The following ZEB1 variants were observed in gnomAD, a reference collection of about 807,000 sequenced individuals.
ZEB1 encodes zinc finger E-box-binding homeobox 1.
In ZEB1, 21 loss-of-function variants were observed where a neutral mutation model predicts 84.9. The observed-to-expected ratio is 0.25, with a 90% CI of 0.18 to 0.36. The LOEUF (loss-of-function observed/expected upper bound fraction) is 0.36. ZEB1 is among the 10% of genes least tolerant of loss of function. The pLI, the probability that ZEB1 is intolerant of heterozygous loss-of-function variation, is 1.00. For missense variants in ZEB1, 1,104 were observed against 1,330.2 expected, an observed-to-expected ratio of 0.83 and a Z score of 2.65; for synonymous variants, 420 against 471.1, an observed-to-expected ratio of 0.89 and a Z score of 1.41.
At chr10:31,337,486 C>T (rs1041980674) in intron 1 of ZEB1, among the ~76,000 whole-genome samples, 1 of 151,964 alleles carries the variant, frequency 6.6e-6, no homozygotes, top group Non-Finnish European at 1.5e-5. Flanking sequence ...TGATAATCAA[C>T]ATTTAATCTA....
upstream of ZEB1, chr10:31,319,170 G>A (rs2032931837): frequency 2.6e-6 from 3 of 1,138,392 alleles, no homozygotes; most frequent in Non-Finnish European, 3.7e-6. Flanking sequence ...AGGCGGAGGG[G>A]TGGGGGGGAA....
At chr10:31,355,019 T>A (rs997765382) in intron 1 of ZEB1, 1 of 152,178 alleles carries the variant, frequency 6.6e-6, no homozygotes, top group Non-Finnish European at 1.5e-5. Context: ...TTGTATAGTA[T>A]CTCCTTTGTT....
intron 1 of ZEB1, among the ~76,000 whole-genome samples, chr10:31,421,994 A>G (rs921047917): frequency 3.3e-5 from 5 of 152,064 alleles, no homozygotes; most frequent in Non-Finnish European, 5.9e-5. Context: ...ATTGACCCTG[A>G]TTAAACCTGT....
intron 1 of ZEB1, among the ~76,000 whole-genome samples, chr10:31,324,845 G>C (rs117736819): frequency 6.6e-6 from 1 of 151,930 alleles, no homozygotes; most frequent in South Asian, 2.1e-4. Flanking sequence ...CATTCAACTA[G>C]ATATGAACTA....
At chr10:31,473,169 C>G (rs1251324943) in intron 2 of ZEB1, among the ~76,000 whole-genome samples, 1 of 151,190 alleles carries the variant, frequency 6.6e-6, no homozygotes, top group African/African-American at 2.5e-5. Context: ...TGCCCTCTCT[C>G]ACCACTCCTA....
chr10:31,320,379 C>G (rs576285564), intron 1 of ZEB1: 1 of 151,066 alleles, frequency 6.6e-6, no homozygotes, highest in Admixed American at 6.6e-5. Flanking sequence ...GCGCCTCGCG[C>G]TTTTCTCTTT....
At chr10:31,517,084 G>T (rs1046848145) in intron 6 of ZEB1, among the ~76,000 whole-genome samples, 4 of 151,982 alleles carry the variant, frequency 2.6e-5, no homozygotes, top group African/African-American at 9.7e-5. Context: ...AAGCCAACTG[G>T]TCATTCACCA....
intron 1 of ZEB1, among the ~76,000 whole-genome samples, chr10:31,430,317 G>T (rs1022689759): frequency 6.6e-6 from 1 of 152,058 alleles, no homozygotes; most frequent in Non-Finnish European, 1.5e-5. Context: ...TAGTTACTGA[G>T]ATAGGCAGTT....
At chr10:31,415,466 C>T (rs161253) in intron 1 of ZEB1, among the ~76,000 whole-genome samples, 11,984 of 151,786 alleles carry the variant, frequency 0.079, 664 homozygotes, top group African/African-American at 0.16. Flanking sequence ...AAAGTCTTTT[C>T]GACCATGTTC....
intron 5 of ZEB1, among the ~76,000 whole-genome samples, chr10:31,513,891 G>C (rs1565177713): frequency 6.6e-6 from 1 of 152,064 alleles, no homozygotes; most frequent in African/African-American, 2.4e-5. Flanking sequence ...CTTTATTGAG[G>C]GGTTAATGGG....
intron 5 of ZEB1, among the ~76,000 whole-genome samples, chr10:31,513,457 G>T (rs910587541): frequency 6.6e-6 from 1 of 152,170 alleles, no homozygotes; most frequent in Non-Finnish European, 1.5e-5. Flanking sequence ...ATAAGCAGTT[G>T]GTTGTAAAAG....
chr10:31,519,530 C>T (rs531442489), intron 6 of ZEB1, among the ~76,000 whole-genome samples: 2 of 152,282 alleles, frequency 1.3e-5, no homozygotes, highest in South Asian at 4.1e-4. Flanking sequence ...ATACCCACTA[C>T]AGTGTTTATC....
chr10:31,377,855 A>G (rs76711714), intron 1 of ZEB1, among the ~76,000 whole-genome samples: 2,865 of 151,820 alleles, frequency 0.019, 87 homozygotes, highest in African/African-American at 0.064. Flanking sequence ...TGAATTTTAA[A>G]TAATGACAGC....
chr10:31,499,374 A>T (rs1303807302), intron 3 of ZEB1, among the ~76,000 whole-genome samples: 2 of 152,174 alleles, frequency 1.3e-5, no homozygotes, highest in Non-Finnish European at 2.9e-5. Context: ...CACTTTTATT[A>T]CATGAACTGT....
chr10:31,473,983 G>A (rs1166148619), intron 2 of ZEB1, among the ~76,000 whole-genome samples: 1 of 152,266 alleles, frequency 6.6e-6, no homozygotes, highest in South Asian at 2.1e-4. Context: ...TTAATAAATG[G>A]TTCTGGGAAA....
intron 1 of ZEB1, among the ~76,000 whole-genome samples, chr10:31,449,533 G>C (rs1323062033): frequency 6.6e-6 from 1 of 152,084 alleles, no homozygotes; most frequent in Non-Finnish European, 1.5e-5. Flanking sequence ...GAAAGTCTTG[G>C]GGTGGGGATC....
intron 1 of ZEB1, among the ~76,000 whole-genome samples, chr10:31,455,935 C>T (rs1406843802): frequency 6.6e-6 from 1 of 152,170 alleles, no homozygotes; most frequent in Non-Finnish European, 1.5e-5. Context: ...ATAAATCATG[C>T]TGCTATAAAG....
intron 1 of ZEB1, among the ~76,000 whole-genome samples, chr10:31,399,668 TA>T (rs2051539824): frequency 6.6e-6 from 1 of 152,186 alleles, no homozygotes; most frequent in Non-Finnish European, 1.5e-5. Context: ...ATATAGCAGG[TA>T]AAGTAGTTAT....
intron 1 of ZEB1, among the ~76,000 whole-genome samples, chr10:31,344,087 T>C (rs1156801199): frequency 6.6e-6 from 1 of 152,134 alleles, no homozygotes; most frequent in Non-Finnish European, 1.5e-5. Flanking sequence ...CCTGGTGATA[T>C]CATACATAAA....
Sources: gnomAD v4.1 joint callset for allele counts (sites outside exome capture counted in the v4.1 genomes callset) on GRCh38, gnomAD v4.1.1 for gene constraint, MANE v1.5 for transcripts, NCBI Gene and HGNC (gene_info 2026-07-23, HGNC 2026-07-21) for gene names.